The following MYOM1 variants were observed in gnomAD, a reference collection of about 807,000 sequenced individuals.
The protein encoded by MYOM1 is myomesin 1, also known as myomesin-1.
A neutral mutation model predicts 205.3 loss-of-function variants in MYOM1; 164 were observed. The ratio of observed to expected loss-of-function variants is 0.80; its 90% CI spans 0.70 to 0.91. The LOEUF is 0.91. Among genes scored for constraint, MYOM1 ranks in the 40% least tolerant of loss-of-function variants. MYOM1 has a pLI of 0.00. For missense variants in MYOM1, 2,011 were observed against 2,127.3 expected (o/e 0.95, Z 1.08); for synonymous variants, 772 against 789.4 (o/e 0.98, Z 0.37).
chr18:3,175,603 C>G lies in MYOM1; in HGVS notation c.1022+439G>C, dbSNP rs186480119. ...AAAGAACATTATCTCCAAGTTTAGCCCACATTCAATGCCACCTACCCGGAT... is the reference window on the plus strand; with the variant it reads ...AAAGAACATTATCTCCAAGTTTAGCGCACATTCAATGCCACCTACCCGGAT... On this transcript the variant is annotated intron_variant, in intron 6 of 37. Transcript: ENST00000356443. Among the ~76,000 whole-genome samples the G allele has an allele frequency of 3.0e-4, 46 of 152,224 alleles. 1 individual carries two copies. In the Middle Eastern group the frequency reaches 0.01, roughly 34 times the overall value.
intron 20 of MYOM1, among the ~76,000 whole-genome samples, chr18:3,117,665 T>C (rs2079626149): frequency 1.3e-5 from 2 of 152,194 alleles, no homozygotes; most frequent in Non-Finnish European, 2.9e-5. Flanking sequence ...TTTCCTTTTT[T>C]TTTTTTTAAA....
chr18:3,154,825 A>C lies in MYOM1; in HGVS notation c.1643+122T>G, dbSNP rs1406402478. On this transcript the variant is annotated intron_variant, in intron 11 of 37. Transcript: ENST00000356443. ...AAAAGAAAGATGAAGAGAGATACAGAAATAGAAAGAGGAGGAGAGGAAAGC... is the reference window on the plus strand; with the variant it reads ...AAAAGAAAGATGAAGAGAGATACAGCAATAGAAAGAGGAGGAGAGGAAAGC... The C allele has an allele frequency of 7.6e-6, 8 of 1,051,990 alleles. No homozygotes were observed. In the African/African-American group the frequency reaches 1.3e-4, roughly 17 times the overall value. 65.2% of individuals were successfully genotyped at this position (1,051,990 alleles called of 1,614,324 possible).
At chr18:3,220,456 A>G (rs779801881), upstream of MYOM1, among the ~76,000 whole-genome samples, 1 of 152,254 alleles carries the variant, frequency 6.6e-6, no homozygotes, top group Non-Finnish European at 1.5e-5. Context: ...CTCTCACTTC[A>G]GGAAAATTTA....
At chr18:3,115,852 G>A (rs1555619119) in intron 21 of MYOM1, among the ~76,000 whole-genome samples, 3 of 152,112 alleles carry the variant, frequency 2.0e-5, no homozygotes, top group Non-Finnish European at 4.4e-5. Flanking sequence ...ATCTCTGAGA[G>A]CTCATGTGAG....
chr18:3,126,264 C>CAAA (rs575517054), intron 19 of MYOM1, among the ~76,000 whole-genome samples: 8 of 65,078 alleles, frequency 1.2e-4, no homozygotes, highest in Admixed American at 3.3e-4. Flanking sequence ...GACTTCATCT[C>CAAA]AAAAAAAAAA....
Position 3,177,356 on chromosome 18 carries a change from T to C in MYOM1, c.930-1222A>G, listed in dbSNP as rs527820566. 5.3e-5 allele frequency among the ~76,000 whole-genome samples: 8 copies of C among 152,094 alleles called. No homozygotes were observed. In the South Asian group the frequency reaches 1.7e-3, roughly 32 times the overall value. On this transcript the variant is annotated intron_variant, in intron 5 of 37. Coordinates refer to ENST00000356443, the MANE Select transcript of MYOM1 (RefSeq NM_003803.4). The stretch of plus-strand genomic sequence containing the variant: ...TGATGTAACAGAGAGGAAGGCTTTC[T>C]GTTGGGGGTTTTATTGCTGGCTATC...
intron 20 of MYOM1, among the ~76,000 whole-genome samples, chr18:3,118,436 C>T (rs142715789): frequency 2.6e-5 from 4 of 152,206 alleles, no homozygotes; most frequent in East Asian, 3.9e-4. Flanking sequence ...GCCTTGACCT[C>T]GTGAGCTCAA....
intron 24 of MYOM1, 34 bp downstream of exon 24, chr18:3,100,286 A>G: frequency 6.2e-7 from 1 of 1,612,612 alleles, no homozygotes; most frequent in Non-Finnish European, 8.5e-7. Context: ...TCAAAGCAAC[A>G]TTCGATGTGT....
At chr18:3,077,665 G>C (rs1358817804) in intron 34 of MYOM1, among the ~76,000 whole-genome samples, 1 of 152,176 alleles carries the variant, frequency 6.6e-6, no homozygotes, top group Non-Finnish European at 1.5e-5. Context: ...GGATTTCAGA[G>C]TGGTGTAGTT....
chr18:3,072,122 C>G (rs146743340), intron 36 of MYOM1, among the ~76,000 whole-genome samples: 16 of 151,292 alleles, frequency 1.1e-4, no homozygotes, highest in African/African-American at 3.6e-4. Context: ...GGGATCTCGG[C>G]TCACTGCAAC....
At chr18:3,224,917 G>A (rs1412010649), upstream of MYOM1, among the ~76,000 whole-genome samples, 3 of 151,946 alleles carry the variant, frequency 2.0e-5, no homozygotes, top group African/African-American at 4.8e-5. Flanking sequence ...CACCCAACTC[G>A]GCCTCCCAAA....
chr18:3,183,223 C>T (rs1041777716), intron 5 of MYOM1, among the ~76,000 whole-genome samples: 11 of 152,176 alleles, frequency 7.2e-5, no homozygotes, highest in Admixed American at 7.2e-4. Context: ...GCCACCACGC[C>T]CGGCCTGTAA....
At chr18:3,091,223 G>A (rs933331569) in intron 26 of MYOM1, among the ~76,000 whole-genome samples, 6 of 152,146 alleles carry the variant, frequency 3.9e-5, no homozygotes, top group African/African-American at 1.4e-4. Flanking sequence ...GGCTGAGCCA[G>A]GAGAATTGCT....
At chr18:3,171,015 T>C (rs1487553887) in intron 8 of MYOM1, among the ~76,000 whole-genome samples, 1 of 152,220 alleles carries the variant, frequency 6.6e-6, no homozygotes, top group Non-Finnish European at 1.5e-5. Flanking sequence ...ATACCCCATA[T>C]TAACAGAAAT....
Position 3,124,303 on chromosome 18 carries a change from CTTTTT to C in MYOM1, c.2991+2393_2991+2397del, listed in dbSNP as rs34118507. Reference sequence around the variant, plus strand: ...GGCAGACGACAAACTTTTCTTTTTTCTTTTTTTTTTTTTTTGAGATGGAGTCTCAC... The same window carrying C: ...GGCAGACGACAAACTTTTCTTTTTTCTTTTTTTTTTGAGATGGAGTCTCAC... On this transcript the variant is annotated intron_variant, in intron 19 of 37. Transcript: ENST00000356443. 1.4e-4 allele frequency among the ~76,000 whole-genome samples: 18 copies of C among 130,890 alleles called. 1 individual carries two copies. The highest frequency in any genetic ancestry group is 4.7e-4 in the African/African-American group (16 of 33,688). 85.9% of individuals were successfully genotyped at this position (130,890 alleles called of 152,430 possible).
chr18:3,163,293 T>C (rs113664212), intron 10 of MYOM1, among the ~76,000 whole-genome samples: 36 of 152,262 alleles, frequency 2.4e-4, no homozygotes, highest in African/African-American at 8.2e-4. Flanking sequence ...GCTGGTATCA[T>C]TAGGATTTAG....
intron 5 of MYOM1, among the ~76,000 whole-genome samples, chr18:3,186,445 T>C (rs1382209091): frequency 6.6e-6 from 1 of 152,146 alleles, no homozygotes; most frequent in Non-Finnish European, 1.5e-5. Context: ...AAAACTGAAA[T>C]ATCTTTTTTA....
At position 3,154,769 on chromosome 18, in the gene MYOM1, A is replaced by T. The variant is rs189876874; in HGVS notation, c.1643+178T>A. Among the ~76,000 whole-genome samples the T allele has an allele frequency of 3.2e-3, 482 of 152,058 alleles. 2 individuals carry two copies. The highest frequency in any genetic ancestry group is 0.011 in the African/African-American group (454 of 41,474). ...TATATACATACAGAGAGAAAGAGAG[A>T]GCGAGAGACTGAGACAGAGACAAAT... On this transcript the variant is annotated intron_variant, in intron 11 of 37. Transcript: ENST00000356443.
chr18:3,208,985 T>G (rs935741232), intron 2 of MYOM1, among the ~76,000 whole-genome samples: 1 of 152,222 alleles, frequency 6.6e-6, no homozygotes, highest in Non-Finnish European at 1.5e-5. Flanking sequence ...TGGCTCAATA[T>G]TTTTTATTAT....
Sources: gnomAD v4.1 joint callset for allele counts (sites outside exome capture counted in the v4.1 genomes callset) on GRCh38, gnomAD v4.1.1 for gene constraint, MANE v1.5 for transcripts, NCBI Gene and HGNC (gene_info 2026-07-23, HGNC 2026-07-21) for gene names.